The following ASH1L variants were observed in gnomAD, a reference collection of about 807,000 sequenced individuals.
ASH1L encodes histone-lysine N-methyltransferase ASH1L.
A neutral mutation model predicts 269.0 loss-of-function variants in ASH1L; 23 were observed. The ratio of observed to expected loss-of-function variants is 0.09; its 90% confidence interval spans 0.06 to 0.12. ASH1L has a LOEUF of 0.12. ASH1L is among the 10% of genes least tolerant of loss of function. ASH1L has a pLI of 1.00. For synonymous variants in ASH1L, 1,187 were observed against 1,253.5 expected (o/e 0.95, Z 1.12); for missense variants, 2,912 against 3,567.8 (o/e 0.82, Z 4.68).
At chr1:155,471,983 T>C (rs922724695) in intron 3 of ASH1L, among the ~76,000 whole-genome samples, 9 of 152,136 alleles carry the variant, frequency 5.9e-5, no homozygotes, top group African/African-American at 9.7e-5. Context: ...GTGGTTTCTG[T>C]ATGTTATTTT....
chr1:155,471,238 C>T (rs779981603), intron 3 of ASH1L, among the ~76,000 whole-genome samples: 63 of 152,214 alleles, frequency 4.1e-4, no homozygotes, highest in Admixed American at 2.0e-3. Context: ...TATAGCTGGT[C>T]TTTGTCCCTG....
intron 25 of ASH1L, 104 bp downstream of exon 25, chr1:155,341,832 T>C: frequency 2.5e-6 from 3 of 1,196,510 alleles, no homozygotes. Context: ...GGGATGGAAT[T>C]TGGATGAAGA....
chr1:155,354,694 A>G (rs1361749694), intron 15 of ASH1L, 64 bp from the exon 16 acceptor site: 1 of 1,496,624 alleles, frequency 6.7e-7, no homozygotes, highest in African/African-American at 1.4e-5. Flanking sequence ...TTACATGTCT[A>G]CTCTATGGAA....
chr1:155,467,237 G>C (rs1664761472), intron 3 of ASH1L, among the ~76,000 whole-genome samples: 1 of 152,122 alleles, frequency 6.6e-6, no homozygotes, highest in Non-Finnish European at 1.5e-5. Flanking sequence ...TGACATTCCA[G>C]GTCAGAAACT....
chr1:155,516,680 G>T (rs1448342416), intron 2 of ASH1L, among the ~76,000 whole-genome samples: 1 of 152,022 alleles, frequency 6.6e-6, no homozygotes, highest in Admixed American at 6.6e-5. Flanking sequence ...AAGGCAGGAA[G>T]ATTGCTTGAG....
chr1:155,519,393 G>A lies in ASH1L; in HGVS notation c.420+1707C>T, dbSNP rs1472783777. Among the ~76,000 whole-genome samples, 5 of 152,036 alleles carry A rather than the reference G, an allele frequency of 3.3e-5. No individual in the cohort carries two copies. In the South Asian group the frequency reaches 8.3e-4, roughly 25 times the overall value. On this transcript the variant is annotated intron_variant, in intron 2 of 27. Transcript: ENST00000392403. ...GGAGGTTGCAGTGAGCCGAGATCGCGCCATTGCACTCCAGCCTGGGCAACA... is the reference window on the plus strand; with the variant it reads ...GGAGGTTGCAGTGAGCCGAGATCGCACCATTGCACTCCAGCCTGGGCAACA...
rs572214581 is a variant in ASH1L, at chr1:155,392,479, CA to C, written c.6103+2979del. On this transcript the variant is annotated intron_variant, in intron 7 of 27. Coordinates refer to ENST00000392403, the MANE Select transcript of ASH1L (RefSeq NM_018489.3). ...ATGTTTTAAATTTGTCCAGTTGATGCATTTTTTTCTTATTTATTTATTTATT... is the reference window on the plus strand; with the variant it reads ...ATGTTTTAAATTTGTCCAGTTGATGCTTTTTTTCTTATTTATTTATTTATT... 1.8e-4 allele frequency among the ~76,000 whole-genome samples: 28 copies of C among 152,028 alleles called. 1 individual carries two copies. In the South Asian group the frequency reaches 5.8e-3, roughly 32 times the overall value.
At chr1:155,401,258 C>T (rs1451440167) in intron 6 of ASH1L, among the ~76,000 whole-genome samples, 2 of 152,020 alleles carry the variant, frequency 1.3e-5, no homozygotes, top group South Asian at 2.1e-4. Context: ...AGGCGGATCA[C>T]TTGAGGTCAG....
intron 6 of ASH1L, among the ~76,000 whole-genome samples, chr1:155,406,096 AG>A (rs1659263728): frequency 6.6e-6 from 1 of 150,432 alleles, no homozygotes; most frequent in Non-Finnish European, 1.5e-5. Context: ...CCAAACTACT[AG>A]GGAGGCTGAC....
At chr1:155,463,866 A>C (rs1664484342) in intron 3 of ASH1L, among the ~76,000 whole-genome samples, 1 of 152,148 alleles carries the variant, frequency 6.6e-6, no homozygotes, top group East Asian at 1.9e-4. Context: ...CTAACCTATT[A>C]ACATCAAGCA....
Position 155,478,747 on chromosome 1 carries a change from T to C in ASH1L, c.4123A>G (p.Ser1375Gly). The change falls in exon 3 of 28, where the codon AGT (serine) becomes GGT (glycine). Residue 1375 changes from serine to glycine, a missense_variant. Coordinates refer to ENST00000392403, the MANE Select transcript of ASH1L (RefSeq NM_018489.3). This position sits in a 1 kb window ranked among gnomAD's most constrained non-coding sequence, Gnocchi z 4.6. ...CCATAAGATGGATAGAATCCAGTAC[T>C]AGAAAGAGGAAAACTAAGGCTGTGC... ...FMHSLSFPLS[S>G]TGFYPSYGMP... 6.2e-7 allele frequency: 1 copy of C among 1,614,104 alleles called. No individual in the cohort carries two copies. Among genetic ancestry groups the C allele is most frequent in the Non-Finnish European group, 8.5e-7 (1 of 1,180,016 alleles).
Position 155,521,280 on chromosome 1 carries a change from A to G in ASH1L, c.240T>C (p.Phe80=), listed in dbSNP as rs780746580. ...TTTTCAATTTTAAATTTCCCTCTGA[A>G]AAGTTTGTTTCTTTCACTGAAAACT... ...QQQFSVKETN[F]SEGNLKLKIG... The change falls in exon 2 of 28, where the codon TTT becomes TTC. Residue 80 remains phenylalanine (F), a synonymous_variant. Transcript: ENST00000392403. 1.2e-6 allele frequency: 2 copies of G among 1,614,046 alleles called. No individual in the cohort carries two copies. Among genetic ancestry groups the G allele is most frequent in the African/African-American group, 2.7e-5 (2 of 74,922 alleles).
intron 4 of ASH1L, among the ~76,000 whole-genome samples, chr1:155,448,045 G>A (rs1239575656): frequency 1.3e-5 from 2 of 152,186 alleles, no homozygotes; most frequent in African/African-American, 4.8e-5. Flanking sequence ...TGTATGTGCT[G>A]AGAGACAGGG....
At chr1:155,488,939 T>A (rs1357977073) in intron 2 of ASH1L, among the ~76,000 whole-genome samples, 1 of 152,160 alleles carries the variant, frequency 6.6e-6, no homozygotes, top group African/African-American at 2.4e-5. Context: ...ATACCTTTCA[T>A]GAATAAAGAC....
Position 155,484,928 on chromosome 1 carries a change from C to CAA in ASH1L, c.421-2481_421-2480dup, listed in dbSNP as rs761331437. ...TAGGTGACAGAGTGATGCTCTGTCT[C>CAA]AAAAAAAAAAAAAAACAAAAACAAA... On this transcript the variant is annotated intron_variant, in intron 2 of 27. Transcript: ENST00000392403. Among the ~76,000 whole-genome samples, 41 of 82,724 alleles carry CAA rather than the reference C, an allele frequency of 5.0e-4. 1 individual carries two copies. Among genetic ancestry groups the CAA allele is most frequent in the African/African-American group, 7.2e-4 (13 of 18,152 alleles). 54.3% of individuals were successfully genotyped at this position (82,724 alleles called of 152,430 possible).
At chr1:155,415,988 A>C (rs1300068227) in intron 5 of ASH1L, 65 bp from the exon 6 acceptor site, 1 of 1,290,924 alleles carries the variant, frequency 7.7e-7, no homozygotes, top group Admixed American at 2.9e-5. Context: ...ATAATTGTCT[A>C]CTTAAAAAAA....
At chr1:155,355,657 C>A (rs1057499926) in intron 15 of ASH1L, among the ~76,000 whole-genome samples, 59 of 152,158 alleles carry the variant, frequency 3.9e-4, no homozygotes, top group Non-Finnish European at 2.9e-5. Flanking sequence ...GTTCCCCATG[C>A]TAATAGGCAG....
chr1:155,479,898 G>A lies in ASH1L; in HGVS notation c.2972C>T (p.Thr991Ile). 1 of 1,613,226 alleles carries A rather than the reference G, an allele frequency of 6.2e-7. No individual in the cohort carries two copies. The highest frequency in any genetic ancestry group is 8.5e-7 in the Non-Finnish European group (1 of 1,179,606). The change falls in exon 3 of 28, where the codon ACT becomes ATT. Residue 991 changes from threonine to isoleucine, a missense_variant. Transcript: ENST00000392403. ...ATTCAACAGTTTCTTTCTCTTTAAAGTCTTCATTTTATTTATTTTGCGGAT... is the reference window on the plus strand; with the variant it reads ...ATTCAACAGTTTCTTTCTCTTTAAAATCTTCATTTTATTTATTTTGCGGAT... ...TIIRKINKMK[T>I]LKRKKLLNQI...
chr1:155,415,845 C>A lies in ASH1L; in HGVS notation c.5907G>T (p.Gln1969His). 6.2e-7 allele frequency: 1 copy of A among 1,613,762 alleles called. No individual in the cohort carries two copies. ...AKPSEPESTL[Q>H]PVLSLIPREK... ...CCCTTGGGATGAGAGAAAGCACAGG[C>A]TGCAAGGTACTTTCAGGTTCAGAAG... Residue 1969 changes from glutamine to histidine, a missense_variant, in exon 6 of 28, where the codon CAG becomes CAT. Gln to His is a conservative substitution (Grantham distance 24, BLOSUM62 0). Coordinates refer to ENST00000392403, the MANE Select transcript of ASH1L (RefSeq NM_018489.3).
Sources: gnomAD v4.1 joint callset for allele counts (sites outside exome capture counted in the v4.1 genomes callset) on GRCh38, gnomAD v4.1.1 for gene constraint, Gnocchi (gnomAD v3.1) non-coding constraint, MANE v1.5 for transcripts, NCBI Gene and HGNC (gene_info 2026-07-23, HGNC 2026-07-21) for gene names.